The following WWP1 variants were observed in gnomAD, a reference collection of about 807,000 sequenced individuals.
WWP1 encodes the protein WW domain containing E3 ubiquitin protein ligase 1.
WWP1 carries 49 observed loss-of-function variants against 130.6 expected under a neutral mutation model. The ratio of observed to expected loss-of-function variants is 0.38; its 90% confidence interval spans 0.30 to 0.48. The LOEUF (loss-of-function observed/expected upper bound fraction) is 0.48. Among genes scored for constraint, WWP1 ranks in the 20% least tolerant of loss-of-function variants. WWP1 has a pLI of 0.99. For missense variants in WWP1, 809 were observed against 1,100.6 expected (o/e 0.74, Z 3.75); for synonymous variants, 332 against 367.8 (o/e 0.90, Z 1.11).
At chr8:86,380,694 A>T in intron 3 of WWP1, 32 bp from the exon 4 acceptor site, 1 of 1,587,224 alleles carries the variant, frequency 6.3e-7, no homozygotes, top group Non-Finnish European at 8.6e-7. Flanking sequence ...TTTTGGCAAC[A>T]CATACTCACT....
intron 24 of WWP1, among the ~76,000 whole-genome samples, chr8:86,464,308 C>T (rs1344895233): frequency 2.0e-5 from 3 of 152,080 alleles, no homozygotes; most frequent in African/African-American, 4.8e-5. Flanking sequence ...TTTTCTATTA[C>T]ACCAGATATT....
chr8:86,419,404 C>T (rs1028776956), intron 9 of WWP1, among the ~76,000 whole-genome samples: 3 of 152,076 alleles, frequency 2.0e-5, no homozygotes, highest in Non-Finnish European at 4.4e-5. Context: ...GGTGACAGAG[C>T]GAGATTCCAT....
intron 14 of WWP1, among the ~76,000 whole-genome samples, chr8:86,432,125 C>G (rs547031088): frequency 4.3e-4 from 66 of 152,298 alleles, no homozygotes; most frequent in African/African-American, 1.5e-3. Context: ...GACAGTCAGT[C>G]TCTGTCTAGA....
intron 1 of WWP1, among the ~76,000 whole-genome samples, chr8:86,353,720 T>G (rs1347559869): frequency 6.6e-6 from 1 of 152,174 alleles, no homozygotes; most frequent in Admixed American, 6.5e-5. Flanking sequence ...TGACCTCAAG[T>G]GATCCGCCTG....
At chr8:86,398,953 A>G (rs1323418599) in intron 7 of WWP1, among the ~76,000 whole-genome samples, 2 of 152,330 alleles carry the variant, frequency 1.3e-5, no homozygotes, top group African/African-American at 4.8e-5. Flanking sequence ...CCATGTATAT[A>G]CATGAGTAGT....
At position 86,378,385 on chromosome 8, in the gene WWP1, C is replaced by G. The variant is rs566035749; in HGVS notation, c.71-2341C>G. Among the ~76,000 whole-genome samples the G allele has an allele frequency of 4.6e-5, 7 of 152,024 alleles. No individual in the cohort carries two copies. The East Asian group carries it at 1.2e-3, about 25-fold the overall frequency. ...GTTTTATAGTTCTCTTCATGTGACT[C>G]TTACTTATTTCTTAAGTTTATTACT... On this transcript the variant is annotated intron_variant, in intron 3 of 24. Coordinates refer to ENST00000517970, the MANE Select transcript of WWP1 (RefSeq NM_007013.4).
intron 5 of WWP1, among the ~76,000 whole-genome samples, chr8:86,384,254 G>A (rs1180697383): frequency 1.3e-5 from 2 of 152,078 alleles, no homozygotes; most frequent in African/African-American, 2.4e-5. Context: ...CGAATTTGGT[G>A]GGGGACACAA....
At chr8:86,457,809 A>G in intron 21 of WWP1, 112 bp from the exon 22 acceptor site, 2 of 891,904 alleles carry the variant, frequency 2.2e-6, no homozygotes, top group Admixed American at 4.3e-5. Flanking sequence ...TGCCATGCAT[A>G]TAGCTTTTCA....
rs201863324 is a variant in WWP1, at chr8:86,431,632, C to A, written c.1490C>A (p.Pro497His). 6.1e-5 allele frequency: 99 copies of A among 1,613,480 alleles called. No individual in the cohort carries two copies. Among genetic ancestry groups the A allele is most frequent in the Admixed American group, 5.0e-5 (3 of 59,942 alleles). Residue 497 changes from proline (P) to histidine (H), a missense_variant, in exon 14 of 25, where the codon CCC becomes CAC. By Grantham distance (77) the Pro-to-His change is moderately conservative. Coordinates refer to ENST00000517970, the MANE Select transcript of WWP1 (RefSeq NM_007013.4). The part of the protein sequence containing the change: ...PRTQGLQNEE[P>H]LPEGWEIRYT... ...TCTTTTAGCTTACAGAATGAAGAAC[C>A]CCTGCCAGAAGGCTGGGAAATTAGA...
Position 86,344,980 on chromosome 8 carries a change from C to T in WWP1, c.-115+2050C>T, listed in dbSNP as rs536427855. On this transcript the variant is annotated intron_variant, in intron 1 of 24. Coordinates refer to ENST00000517970, the MANE Select transcript of WWP1 (RefSeq NM_007013.4). ...AATTGGGAGTGAAACAATTTGAACA[C>T]TTTGTTTCAGAAGGATTAGTGGGAT... Among the ~76,000 whole-genome samples the T allele has an allele frequency of 9.9e-5, 15 of 152,210 alleles. No homozygotes were observed. In the East Asian group the frequency reaches 2.7e-3, roughly 27 times the overall value.
intron 17 of WWP1, among the ~76,000 whole-genome samples, chr8:86,439,086 G>A (rs546026542): frequency 6.6e-6 from 1 of 150,804 alleles, no homozygotes; most frequent in Admixed American, 6.6e-5. Flanking sequence ...GCTTACGCCT[G>A]TAATCCCAGC....
intron 5 of WWP1, chr8:86,386,989 C>T (rs1460302770): frequency 6.6e-6 from 1 of 152,156 alleles, no homozygotes; most frequent in Non-Finnish European, 1.5e-5. Context: ...AGGGCACACC[C>T]ACTCACTCAA....
At chr8:86,377,798 G>A (rs1041528865) in intron 3 of WWP1, among the ~76,000 whole-genome samples, 7 of 152,020 alleles carry the variant, frequency 4.6e-5, no homozygotes, top group Non-Finnish European at 1.0e-4. Context: ...TGAGATTGAA[G>A]AAAAAATGGG....
At chr8:86,423,539 G>C (rs2130631995) in intron 9 of WWP1, among the ~76,000 whole-genome samples, 1 of 152,268 alleles carries the variant, frequency 6.6e-6, no homozygotes, top group East Asian at 1.9e-4. Flanking sequence ...ACAGGGTTGG[G>C]GGCAAGGTCA....
intron 21 of WWP1, among the ~76,000 whole-genome samples, chr8:86,453,713 T>C (rs1218069412): frequency 6.6e-6 from 1 of 152,160 alleles, no homozygotes; most frequent in African/African-American, 2.4e-5. Flanking sequence ...TTCTGTTTCT[T>C]GTTTTGGTTT....
chr8:86,405,253 G>T (rs1259633349), intron 8 of WWP1: 1 of 151,656 alleles, frequency 6.6e-6, no homozygotes, highest in East Asian at 1.9e-4. Flanking sequence ...CATATTCTAT[G>T]TGTAACATAA....
intron 1 of WWP1, among the ~76,000 whole-genome samples, chr8:86,368,529 C>A (rs1824103030): frequency 6.6e-6 from 1 of 152,082 alleles, no homozygotes. Context: ...TAAATCTAAC[C>A]CCCAGAGCTT....
intron 5 of WWP1, among the ~76,000 whole-genome samples, chr8:86,395,394 C>T (rs749024812): frequency 9.7e-6 from 1 of 102,772 alleles, no homozygotes; most frequent in Admixed American, 8.4e-5. Flanking sequence ...AGGTAATGGA[C>T]CAGATTTTTG....
rs189054453 is a variant in WWP1 at position 86,359,630 on chromosome 8, G to A, written c.-114-9309G>A. Reference sequence around the variant, plus strand: ...CTCTTCCAAATCTCAGAGTAAGAGCGGTTTTGTCTATACCTGTGTTTAATC... The same window carrying A: ...CTCTTCCAAATCTCAGAGTAAGAGCAGTTTTGTCTATACCTGTGTTTAATC... On this transcript the variant is annotated intron_variant, in intron 1 of 24. Transcript: ENST00000517970. Among the ~76,000 whole-genome samples, 260 of 152,040 alleles carry A rather than the reference G, an allele frequency of 1.7e-3. 2 individuals are homozygous for A. Among genetic ancestry groups the A allele is most frequent in the African/African-American group, 5.9e-3 (246 of 41,472 alleles).
Sources: allele counts gnomAD v4.1 joint callset (sites outside exome capture counted in the v4.1 genomes callset), GRCh38; gene constraint gnomAD v4.1.1; transcripts MANE v1.5; gene names NCBI Gene and HGNC (gene_info 2026-07-23, HGNC 2026-07-21).